Variants in FNDC3A observed in about 807,000 individuals in gnomAD.
FNDC3A encodes the protein fibronectin type-III domain-containing protein 3A.
In FNDC3A, 32 loss-of-function variants were observed where a neutral mutation model predicts 148.9. That is an observed-to-expected ratio of 0.21 (90% CI 0.16 to 0.29). The LOEUF (loss-of-function observed/expected upper bound fraction) is 0.29, where lower values mean the gene tolerates loss of function less well. Ranked by LOEUF, FNDC3A falls within the 10% of genes least tolerant of loss-of-function variation. The pLI, the probability that FNDC3A is intolerant of heterozygous loss-of-function variation, is 1.00. For synonymous variants in FNDC3A, 472 were observed against 473.6 expected (o/e 1.00, Z 0.04); for missense variants, 1,191 against 1,452.8 (o/e 0.82, Z 2.93).
At chr13:49,194,426 C>T (rs928368529) in intron 19 of FNDC3A, among the ~76,000 whole-genome samples, 16 of 152,144 alleles carry the variant, frequency 1.1e-4, no homozygotes, top group Non-Finnish European at 2.4e-4. Flanking sequence ...ACAAAGCAGG[C>T]GCATTATATC....
At chr13:49,082,949 G>A (rs1878575240) in intron 3 of FNDC3A, among the ~76,000 whole-genome samples, 1 of 152,044 alleles carries the variant, frequency 6.6e-6, no homozygotes, top group African/African-American at 2.4e-5. Context: ...TGTGTGGAGG[G>A]GTAGCCTGAC....
chr13:49,125,729 A>G (rs191768137), intron 4 of FNDC3A, among the ~76,000 whole-genome samples: 638 of 152,240 alleles, frequency 4.2e-3, no homozygotes, highest in Non-Finnish European at 5.7e-3. Flanking sequence ...GTCCTGGGGG[A>G]AAAAAACAAT....
rs376640800 is a variant in FNDC3A at position 49,168,693 on chromosome 13, T to C, written c.1118T>C (p.Ile373Thr). Residue 373 changes from isoleucine to threonine, a missense_variant, in exon 10 of 26, where the codon ATA becomes ACA. Physicochemically the swap from Ile to Thr is moderately conservative, Grantham distance 89. Around this residue, in one of 3 missense-constraint regions of FNDC3A, gnomAD observed 426 missense variants for 473.2 expected, o/e 0.90. Transcript: ENST00000492622. The part of the protein sequence containing the change: ...IFTTLSCEPD[I>T]PNPPRIANRT... ...ACCACCTTGAGCTGTGAACCTGATA[T>C]ACCTAATCCACCAAGGATAGCCAAT... is the stretch of plus-strand genomic sequence containing the variant. 9.9e-6 allele frequency: 16 copies of C among 1,613,204 alleles called. No homozygotes were observed. The African/African-American group carries it at 2.0e-4, about 20-fold the overall frequency.
intron 4 of FNDC3A, among the ~76,000 whole-genome samples, chr13:49,125,638 G>A (rs1593625929): frequency 6.6e-6 from 1 of 152,114 alleles, no homozygotes; most frequent in Non-Finnish European, 1.5e-5. Flanking sequence ...AGTGCTAAAA[G>A]AACACATATA....
At chr13:49,174,870 A>G (rs993019560) in intron 12 of FNDC3A, among the ~76,000 whole-genome samples, 7 of 152,196 alleles carry the variant, frequency 4.6e-5, no homozygotes, top group Admixed American at 2.0e-4. Flanking sequence ...AGTCAGGTGA[A>G]CTGTAAGAAC....
At chr13:49,114,172 C>A (rs983454776) in intron 3 of FNDC3A, among the ~76,000 whole-genome samples, 2 of 152,126 alleles carry the variant, frequency 1.3e-5, no homozygotes, top group African/African-American at 2.4e-5. Flanking sequence ...CCTCTTGCTG[C>A]TTTTCACTCT....
At chr13:49,109,197 T>C (rs976001514) in intron 3 of FNDC3A, among the ~76,000 whole-genome samples, 10 of 152,242 alleles carry the variant, frequency 6.6e-5, no homozygotes, top group African/African-American at 2.4e-4. Flanking sequence ...CACTATGTGG[T>C]TATTTTTGAA....
intron 11 of FNDC3A, among the ~76,000 whole-genome samples, chr13:49,172,578 G>A (rs1884812399): frequency 6.6e-6 from 1 of 152,096 alleles, no homozygotes; most frequent in Admixed American, 6.6e-5. Flanking sequence ...TCATTACTTG[G>A]TTCATGGCCA....
chr13:49,146,421 A>G (rs926641405), intron 8 of FNDC3A: 1 of 153,026 alleles, frequency 6.5e-6, no homozygotes, highest in African/African-American at 2.4e-5. Context: ...AAACTTACGT[A>G]TTTCTTTCCT....
intron 11 of FNDC3A, among the ~76,000 whole-genome samples, chr13:49,174,163 C>CAAT (rs1201268847): frequency 1.3e-5 from 2 of 152,124 alleles, no homozygotes; most frequent in African/African-American, 4.8e-5. Flanking sequence ...TCCATACCTG[C>CAAT]AGAGTTTCCT....
chr13:49,077,173 T>G (rs962459888), intron 3 of FNDC3A, among the ~76,000 whole-genome samples: 1 of 152,166 alleles, frequency 6.6e-6, no homozygotes, highest in Non-Finnish European at 1.5e-5. Context: ...ACTCGAGAGA[T>G]AAGGTTGGAA....
intron 1 of FNDC3A, among the ~76,000 whole-genome samples, chr13:48,993,638 A>G (rs909478254): frequency 3.3e-5 from 5 of 152,184 alleles, no homozygotes; most frequent in African/African-American, 7.2e-5. Context: ...AACACATGCA[A>G]AAGTGTTTAG....
chr13:49,190,113 T>C (rs924298446), intron 17 of FNDC3A, among the ~76,000 whole-genome samples: 59 of 152,068 alleles, frequency 3.9e-4, no homozygotes, highest in African/African-American at 1.4e-3. Flanking sequence ...GTCTCGATCT[T>C]CTGACCCTGT....
At chr13:49,161,537 G>T (rs189523752) in intron 8 of FNDC3A, among the ~76,000 whole-genome samples, 1 of 152,256 alleles carries the variant, frequency 6.6e-6, no homozygotes, top group East Asian at 1.9e-4. Flanking sequence ...ACAGCACACT[G>T]ATGGGTCCTG....
intron 3 of FNDC3A, among the ~76,000 whole-genome samples, chr13:49,087,569 A>G (rs1301865074): frequency 6.6e-6 from 1 of 152,138 alleles, no homozygotes; most frequent in Non-Finnish European, 1.5e-5. Context: ...TAGGGAAAAA[A>G]TGGAAAGATT....
intron 1 of FNDC3A, among the ~76,000 whole-genome samples, chr13:48,979,989 A>G (rs993525990): frequency 7.9e-5 from 12 of 152,074 alleles, no homozygotes; most frequent in Admixed American, 3.3e-4. Context: ...CATACTGTGA[A>G]ATTTCTTGCA....
intron 2 of FNDC3A, among the ~76,000 whole-genome samples, chr13:49,060,592 C>G (rs760943006): frequency 1.3e-5 from 2 of 148,908 alleles, no homozygotes; most frequent in Non-Finnish European, 3.0e-5. Flanking sequence ...TGCAGTGACC[C>G]GAGATTGTGC....
At chr13:49,032,683 C>T (rs1294835596) in intron 2 of FNDC3A, among the ~76,000 whole-genome samples, 1 of 152,074 alleles carries the variant, frequency 6.6e-6, no homozygotes. Context: ...TTGCAGTGAG[C>T]CGAGACCGCG....
intron 2 of FNDC3A, among the ~76,000 whole-genome samples, chr13:49,021,796 T>C (rs1873346475): frequency 6.6e-6 from 1 of 152,194 alleles, no homozygotes. Context: ...TAATGATATC[T>C]TCCAAAATGG....
Sources: allele counts gnomAD v4.1 joint callset (sites outside exome capture counted in the v4.1 genomes callset), GRCh38; gene constraint gnomAD v4.1.1; regional missense constraint gnomAD v4.1.1; transcripts MANE v1.5; gene names NCBI Gene and HGNC (gene_info 2026-07-23, HGNC 2026-07-21).